Variants in DHRS7B observed in about 807,000 individuals in gnomAD.
The protein encoded by DHRS7B is peroxisomal reductase activating PPAR-gamma.
In DHRS7B, 24 loss-of-function variants were observed where a neutral mutation model predicts 26.4. The observed-to-expected ratio is 0.91, with a 90% CI of 0.66 to 1.28. The LOEUF is 1.28. Ranked by LOEUF, DHRS7B falls within the 50% of genes most tolerant of loss-of-function variation. DHRS7B has a pLI of 0.00. For missense variants in DHRS7B, 368 were observed against 419.4 expected (o/e 0.88, Z 1.07); for synonymous variants, 142 against 166.4 (o/e 0.85, Z 1.13).
intron 1 of DHRS7B, chr17:21,168,780 A>G (rs1974170536): frequency 1.0e-5 from 10 of 985,462 alleles, no homozygotes; most frequent in Non-Finnish European, 1.2e-5. Context: ...GATGGATCCC[A>G]TTCACCCGGC....
intron 1 of DHRS7B, among the ~76,000 whole-genome samples, chr17:21,169,615 T>C (rs1974192017): frequency 6.6e-6 from 1 of 152,122 alleles, no homozygotes; most frequent in Non-Finnish European, 1.5e-5. Context: ...GTGCTGCAGT[T>C]AGTGTTTTTC....
intron 2 of DHRS7B, among the ~76,000 whole-genome samples, chr17:21,175,953 ACTATGTTTCAGTTTT>A (rs1033183941): frequency 6.6e-6 from 1 of 151,200 alleles, no homozygotes; most frequent in African/African-American, 2.4e-5. Flanking sequence ...AAAGTAAAAA[ACTATGTTTCAGTTTT>A]CATCATCAGT....
chr17:21,130,593 C>T (rs181743684), intron 1 of DHRS7B, among the ~76,000 whole-genome samples: 4 of 151,998 alleles, frequency 2.6e-5, no homozygotes, highest in Admixed American at 1.3e-4. Context: ...TTTATAAATA[C>T]TGGGTTTTTC....
At chr17:21,178,914 A>G (rs77555110) in intron 3 of DHRS7B, among the ~76,000 whole-genome samples, 3,617 of 151,598 alleles carry the variant, frequency 0.024, 61 homozygotes, top group Middle Eastern at 0.076. Flanking sequence ...CAGCCTCCCA[A>G]AGTGCTGGGA....
chr17:21,174,504 TC>T, intron 2 of DHRS7B, among the ~76,000 whole-genome samples: 1 of 152,238 alleles, frequency 6.6e-6, no homozygotes, highest in Non-Finnish European at 1.5e-5. Flanking sequence ...CCTTGGACCC[TC>T]CTACCTTCCA....
At chr17:21,165,806 C>T (rs947968371) in intron 1 of DHRS7B, among the ~76,000 whole-genome samples, 2 of 150,142 alleles carry the variant, frequency 1.3e-5, no homozygotes, top group East Asian at 2.0e-4. Flanking sequence ...GTCGCAGCTA[C>T]GCGGGAGGCT....
At chr17:21,188,584 T>C (rs1974701818) in intron 5 of DHRS7B, 127 bp from the exon 6 acceptor site, 1 of 1,137,102 alleles carries the variant, frequency 8.8e-7, no homozygotes, top group East Asian at 2.5e-5. Flanking sequence ...CTAAGCAACA[T>C]AGCAAGACGA....
At chr17:21,132,305 A>C in intron 1 of DHRS7B, among the ~76,000 whole-genome samples, 1 of 149,392 alleles carries the variant, frequency 6.7e-6, no homozygotes, top group Non-Finnish European at 1.5e-5. Flanking sequence ...GTTTGAGACC[A>C]CCCTGGGCAA....
At chr17:21,189,181 G>C (rs1974721422) in intron 6 of DHRS7B, among the ~76,000 whole-genome samples, 1 of 152,146 alleles carries the variant, frequency 6.6e-6, no homozygotes, top group African/African-American at 2.4e-5. Flanking sequence ...CGCAGATCCC[G>C]AGTCCAAGGA....
intron 1 of DHRS7B, among the ~76,000 whole-genome samples, chr17:21,156,419 A>G (rs1215955940): frequency 6.6e-6 from 1 of 152,076 alleles, no homozygotes; most frequent in Admixed American, 6.6e-5. Context: ...CAGCCTGGCC[A>G]ACATGGTGAA....
intron 2 of DHRS7B, among the ~76,000 whole-genome samples, chr17:21,176,380 C>G (rs143573867): frequency 6.6e-6 from 1 of 152,064 alleles, no homozygotes; most frequent in South Asian, 2.1e-4. Context: ...GCAGGAAGAT[C>G]GCTTGAGCCC....
At chr17:21,131,918 A>G (rs374121191) in intron 1 of DHRS7B, among the ~76,000 whole-genome samples, 8 of 152,358 alleles carry the variant, frequency 5.3e-5, no homozygotes, top group African/African-American at 1.9e-4. Flanking sequence ...GTATGGCATT[A>G]TAATCCAGAT....
intron 1 of DHRS7B, among the ~76,000 whole-genome samples, chr17:21,162,225 C>T (rs187017274): frequency 5.3e-4 from 80 of 152,244 alleles, no homozygotes; most frequent in African/African-American, 1.9e-3. Context: ...TGTTTAATCC[C>T]TAGCGAATGA....
chr17:21,163,151 G>C (rs373598725), intron 1 of DHRS7B, among the ~76,000 whole-genome samples: 4 of 151,356 alleles, frequency 2.6e-5, no homozygotes, highest in Non-Finnish European at 5.9e-5. Flanking sequence ...AACCGAGATC[G>C]CGCCACTGCA....
At chr17:21,144,399 T>C (rs918179744) in intron 1 of DHRS7B, among the ~76,000 whole-genome samples, 1 of 152,174 alleles carries the variant, frequency 6.6e-6, no homozygotes, top group African/African-American at 2.4e-5. Context: ...CAACATGCAG[T>C]AACTATAAAA....
intron 1 of DHRS7B, among the ~76,000 whole-genome samples, chr17:21,160,373 A>T (rs1028334497): frequency 2.6e-5 from 4 of 152,194 alleles, no homozygotes; most frequent in Admixed American, 6.5e-5. Context: ...AAAAAAATTT[A>T]AAAAATTAAA....
intron 3 of DHRS7B, among the ~76,000 whole-genome samples, chr17:21,180,332 C>T (rs931802839): frequency 6.6e-6 from 1 of 152,106 alleles, no homozygotes; most frequent in African/African-American, 2.4e-5. Flanking sequence ...CTCAGCCTCC[C>T]ACAATGTTGG....
At chr17:21,149,417 T>A (rs997548806) in intron 1 of DHRS7B, among the ~76,000 whole-genome samples, 23 of 152,156 alleles carry the variant, frequency 1.5e-4, no homozygotes, top group Non-Finnish European at 2.9e-4. Context: ...CATTTGAATG[T>A]CTAAAACCCA....
Position 21,191,058 on chromosome 17 carries a change from T to G in DHRS7B, c.883T>G (p.Ser295Ala). Reference sequence around the variant, plus strand: ...TGTGATCCTGGCTGACTTACTGCCTTCCTTGGCTGTTTATCTTCGAACTCT... The same window carrying G: ...TGTGATCCTGGCTGACTTACTGCCTGCCTTGGCTGTTTATCTTCGAACTCT... The part of the protein sequence containing the change: ...KDVILADLLP[S>A]LAVYLRTLAP... The change falls in exon 7 of 7, where the codon TCC becomes GCC. Residue 295 changes from serine (S) to alanine (A), a missense_variant. By Grantham distance (99) the Ser-to-Ala change is moderately conservative. Transcript: ENST00000395511. 6.2e-7 allele frequency: 1 copy of G among 1,614,260 alleles called. No individual in the cohort carries two copies. The highest frequency in any genetic ancestry group is 1.1e-5 in the South Asian group (1 of 91,084).
Sources: gnomAD v4.1 joint callset for allele counts (sites outside exome capture counted in the v4.1 genomes callset) on GRCh38, gnomAD v4.1.1 for gene constraint, MANE v1.5 for transcripts, NCBI Gene and HGNC (gene_info 2026-07-23, HGNC 2026-07-21) for gene names.